Variants in ATRIP observed in about 807,000 individuals in gnomAD.
The protein encoded by ATRIP is ATR interacting protein, also known as ATR-interacting protein.
A neutral mutation model predicts 78.1 loss-of-function variants in ATRIP; 44 were observed. The ratio of observed to expected loss-of-function variants is 0.56; its 90% CI spans 0.44 to 0.72. ATRIP has a LOEUF of 0.72. Ranked by LOEUF, ATRIP falls within the 30% of genes least tolerant of loss-of-function variation. The probability of loss-of-function intolerance (pLI) is 0.00; values close to 1 mark genes in which losing one functional copy is unlikely to be tolerated. For synonymous variants in ATRIP, 388 were observed against 408.9 expected, an observed-to-expected ratio of 0.95 and a Z score of 0.62; for missense variants, 927 against 980.2, an observed-to-expected ratio of 0.95 and a Z score of 0.72.
Position 48,450,121 on chromosome 3 carries a change from A to T in ATRIP, c.332A>T (p.Asn111Ile), listed in dbSNP as rs754491690. The T allele has an allele frequency of 5.0e-6, 8 of 1,613,170 alleles. No individual in the cohort carries two copies. The highest frequency in any genetic ancestry group is 6.8e-6 in the Non-Finnish European group (8 of 1,179,606). The change falls in exon 2 of 13, where the codon AAT becomes ATT. Residue 111 changes from asparagine (N) to isoleucine (I), a missense_variant. Physicochemically the swap from Asn to Ile is moderately radical, Grantham distance 149 (BLOSUM62 -3). Coordinates refer to ENST00000320211, the MANE Select transcript of ATRIP (RefSeq NM_130384.3). ...KNRETVPIKD[N>I]FELEVLQAQY... ...AGAGAAACTGTTCCAATTAAAGATA[A>T]TTTCGAATTAGAGGTACTTCAGGCA... is the stretch of plus-strand genomic sequence containing the variant.
chr3:48,458,345 G>A (rs1429461029), intron 5 of ATRIP, among the ~76,000 whole-genome samples: 2 of 148,598 alleles, frequency 1.3e-5, no homozygotes, highest in Non-Finnish European at 1.5e-5. Flanking sequence ...TTTCTTTGAG[G>A]CGGAGTCTCA....
rs561466435 is a variant in ATRIP, at chr3:48,450,743, C to T, written c.381+573C>T. On this transcript the variant is annotated intron_variant, in intron 2 of 12. Coordinates refer to ENST00000320211, the MANE Select transcript of ATRIP (RefSeq NM_130384.3). ...CTGGGACTACAGGTGTGCACCACGA[C>T]GCCCAGCTAATTCTTGTATTTTTAG... Among the ~76,000 whole-genome samples the T allele has an allele frequency of 2.6e-5, 4 of 152,108 alleles. No individual in the cohort carries two copies. The East Asian group carries it at 5.9e-4, about 22-fold the overall frequency.
chr3:48,460,892 A>T, intron 8 of ATRIP, 93 bp downstream of exon 8: 3 of 1,197,676 alleles, frequency 2.5e-6, no homozygotes, highest in Non-Finnish European at 3.5e-6. Flanking sequence ...TCACATCTTG[A>T]CTTATCTACA....
At chr3:48,450,699 G>A in intron 2 of ATRIP, 1 of 420,242 alleles carries the variant, frequency 2.4e-6, no homozygotes, top group Non-Finnish European at 4.1e-6. Flanking sequence ...CGATTCACAT[G>A]CCTTAGCTTC....
Position 48,455,221 on chromosome 3 carries a change from G to A in ATRIP, c.671+803G>A, listed in dbSNP as rs182623289. On this transcript the variant is annotated intron_variant, in intron 4 of 12. Transcript: ENST00000320211. ...ATCTTCTGGTTTTGAACTTTCTACC[G>A]CCTTTGTTCATAATGGGCAGTGTGT... is the stretch of plus-strand genomic sequence containing the variant. Among the ~76,000 whole-genome samples the A allele has an allele frequency of 1.9e-4, 29 of 152,220 alleles. No individual in the cohort carries two copies. The East Asian group carries it at 4.3e-3, about 22-fold the overall frequency.
chr3:48,461,171 A>G (rs1429519911), intron 8 of ATRIP, among the ~76,000 whole-genome samples: 1 of 152,210 alleles, frequency 6.6e-6, no homozygotes, highest in South Asian at 2.1e-4. Flanking sequence ...TGGTTTCCCT[A>G]AGGAAGCAGA....
chr3:48,450,566 G>A (rs1016647998), intron 2 of ATRIP: 4 of 1,252,112 alleles, frequency 3.2e-6, no homozygotes, highest in Non-Finnish European at 4.2e-6. Context: ...TGGAATTTTA[G>A]TTGTGCAAGG....
Position 48,466,881 on chromosome 3 carries a change from G to T in ATRIP, c.*1327G>T, listed in dbSNP as rs986003279. Reference sequence around the variant, plus strand: ...CTCCCTGTGTGTGGCTCCGGGGAAGGCCTGCAGCCCTGCAGCCAGCGAGAT... The same window carrying T: ...CTCCCTGTGTGTGGCTCCGGGGAAGTCCTGCAGCCCTGCAGCCAGCGAGAT... On this transcript the variant is annotated 3_prime_UTR_variant, in exon 13 of 13. Coordinates refer to ENST00000320211, the MANE Select transcript of ATRIP (RefSeq NM_130384.3). 1.2e-6 allele frequency: 2 copies of T among 1,612,898 alleles called. No individual in the cohort carries two copies. The highest frequency in any genetic ancestry group is 2.7e-5 in the African/African-American group (2 of 74,920).
chr3:48,457,912 T>C (rs992020564), intron 5 of ATRIP, among the ~76,000 whole-genome samples: 4 of 152,146 alleles, frequency 2.6e-5, no homozygotes, highest in Admixed American at 6.6e-5. Flanking sequence ...TTAGGGTACA[T>C]GTGCACAACG....
At chr3:48,460,868 C>T in intron 8 of ATRIP, 69 bp downstream of exon 8, 1 of 1,410,224 alleles carries the variant, frequency 7.1e-7, no homozygotes, top group Non-Finnish European at 9.7e-7. Context: ...TAACCCATGG[C>T]ACTTGTACTT....
chr3:48,461,194 G>T (rs1028921803), intron 8 of ATRIP, among the ~76,000 whole-genome samples: 1 of 152,222 alleles, frequency 6.6e-6, no homozygotes, highest in African/African-American at 2.4e-5. Flanking sequence ...ATGTGGAGAG[G>T]GTCTGCAGCC....
Position 48,465,074 on chromosome 3 carries a change from G to A in ATRIP, c.2299G>A (p.Asp767Asn). Reference sequence around the variant, plus strand: ...CATCCGAGGGCTTCCTGATGTGACGGACTGTGAAGGTAAGCCTGCCAGAGG... The same window carrying A: ...CATCCGAGGGCTTCCTGATGTGACGAACTGTGAAGGTAAGCCTGCCAGAGG... The part of the protein sequence containing the change: ...MLIRGLPDVT[D>N]CEEAALDDLC... Residue 767 changes from aspartate (D) to asparagine (N), a missense_variant, in exon 12 of 13, where the codon GAC (aspartate) becomes AAC (asparagine). Asp to Asn is a conservative substitution (Grantham distance 23). Transcript: ENST00000320211. The A allele has an allele frequency of 6.2e-7, 1 of 1,608,366 alleles. No individual in the cohort carries two copies.
intron 8 of ATRIP, chr3:48,461,531 T>C (rs1454675997): frequency 6.6e-6 from 1 of 152,226 alleles, no homozygotes; most frequent in Non-Finnish European, 1.5e-5. Flanking sequence ...GTTTCCTAGA[T>C]CTGTTTCCAT....
rs759812593 is a variant in ATRIP at position 48,454,412 on chromosome 3, A to G, written c.665A>G (p.His222Arg). 5.0e-6 allele frequency: 8 copies of G among 1,604,758 alleles called. No homozygotes were observed. In the Admixed American group the frequency reaches 1.0e-4, roughly 20 times the overall value. ...ANKLAAPSVS[H>R]VSPRKNPSVV... Reference sequence around the variant, plus strand: ...AAACTGGCTGCTCCCTCTGTTTCCCATGTCAGGTAATGATGGTGCTGGAGG... The same window carrying G: ...AAACTGGCTGCTCCCTCTGTTTCCCGTGTCAGGTAATGATGGTGCTGGAGG... The change falls in exon 4 of 13, where the codon CAT becomes CGT. Residue 222 changes from histidine (H) to arginine (R), a missense_variant. Coordinates refer to ENST00000320211, the MANE Select transcript of ATRIP (RefSeq NM_130384.3).
chr3:48,450,512 C>T (rs1033300424), intron 2 of ATRIP: 12 of 1,292,064 alleles, frequency 9.3e-6, no homozygotes, highest in Middle Eastern at 2.1e-4. Context: ...AAAGCAGACA[C>T]TTCATATCAC....
At chr3:48,459,314 A>G in intron 5 of ATRIP, 45 bp from the exon 6 acceptor site, 9 of 1,532,188 alleles carry the variant, frequency 5.9e-6, no homozygotes, top group Middle Eastern at 1.7e-4. Context: ...TAATATGCCC[A>G]TGCTTCTGGG....
rs767191468 is a variant in ATRIP, at chr3:48,460,842, CT to C, written c.1745+44del. 2.2e-5 allele frequency: 33 copies of C among 1,530,024 alleles called. No homozygotes were observed. In the South Asian group the frequency reaches 3.7e-4, roughly 17 times the overall value. 94.8% of individuals were successfully genotyped at this position (1,530,024 alleles called of 1,614,324 possible). A position where few individuals can be genotyped will look rare whatever the true frequency, so the allele number is the denominator to read the frequency against. On this transcript the variant is annotated intron_variant, in intron 8 of 12. Coordinates refer to ENST00000320211, the MANE Select transcript of ATRIP (RefSeq NM_130384.3). ...AGTCATGATTCTTTGTGGGTCTCAC[CT>C]GACCTCTTAAGGTCTAACCCATGGC...
At position 48,447,062 on chromosome 3, in the gene ATRIP, C is replaced by T. The variant is rs148174212; in HGVS notation, c.217C>T (p.Gln73Ter). The T allele has an allele frequency of 1.3e-5, 21 of 1,558,218 alleles. No individual in the cohort carries two copies. Among genetic ancestry groups the T allele is most frequent in the East Asian group, 2.6e-5 (1 of 38,666 alleles). ...LDTLASQALS[Q>*]CPAAARDVSS... ...CACCCTCGCGTCACAGGCCCTGAGC[C>T]AATGTCCGGCCGCGGCTCGGGACGT... The change falls in exon 1 of 13, where the codon CAA becomes TAA. Residue 73 changes from glutamine (Q) to a stop codon, truncating the protein, a stop_gained. Coordinates refer to ENST00000320211, the MANE Select transcript of ATRIP (RefSeq NM_130384.3). LOFTEE classifies it high-confidence loss of function.
chr3:48,451,892 C>T lies in ATRIP; in HGVS notation c.545C>T (p.Ser182Phe), dbSNP rs1158957296. ...QALSDKEKEFSKKLQSLQSEL... is the reference protein window; with the variant it reads ...QALSDKEKEFFKKLQSLQSEL... ...CTCAGTGACAAGGAAAAGGAATTCT[C>T]CAAAAAGGTGACCCAGAGCATTTGT... Residue 182 changes from serine (S) to phenylalanine (F), a missense_variant, in exon 3 of 13, where the codon TCC becomes TTC. By Grantham distance (155) the Ser-to-Phe change is radical. Coordinates refer to ENST00000320211, the MANE Select transcript of ATRIP (RefSeq NM_130384.3). 4 of 1,601,562 alleles carry T rather than the reference C, an allele frequency of 2.5e-6. No individual in the cohort carries two copies. Among genetic ancestry groups the T allele is most frequent in the Non-Finnish European group, 3.4e-6 (4 of 1,173,608 alleles).
Sources: gnomAD v4.1 joint callset for allele counts (sites outside exome capture counted in the v4.1 genomes callset) on GRCh38, gnomAD v4.1.1 for gene constraint, MANE v1.5 for transcripts, NCBI Gene and HGNC (gene_info 2026-07-23, HGNC 2026-07-21) for gene names.